The following FGF13 variants were observed in gnomAD, a reference collection of about 807,000 sequenced individuals.
The protein encoded by FGF13 is fibroblast growth factor homologous factor 2.
A neutral mutation model predicts 19.5 loss-of-function variants in FGF13; 2 were observed. That is an observed-to-expected ratio of 0.10 (90% CI 0.04 to 0.32). FGF13 has a LOEUF of 0.32. FGF13 is among the 10% of genes least tolerant of loss of function. The probability of loss-of-function intolerance (pLI) is 1.00; values close to 1 mark genes in which losing one functional copy is unlikely to be tolerated. For synonymous variants in FGF13, 72 were observed against 76.9 expected, an observed-to-expected ratio of 0.94 and a Z score of 0.33; for missense variants, 113 against 192.7, an observed-to-expected ratio of 0.59 and a Z score of 2.45.
At chrX:138,710,588 AGTAT>A (rs1388289648) in intron 1 of FGF13, among the ~76,000 whole-genome samples, 1 of 112,464 alleles carries the variant, frequency 8.9e-6, no homozygotes, top group Non-Finnish European at 1.9e-5. Context: ...CCCAGGGCAG[AGTAT>A]GCCCCCAGGC....
chrX:138,654,544 C>G (rs1343179416), intron 3 of FGF13, among the ~76,000 whole-genome samples: 2 of 111,164 alleles, frequency 1.8e-5, no homozygotes, highest in African/African-American at 6.6e-5. Flanking sequence ...AGTTCAAGAC[C>G]AGCCTGGTTA....
At chrX:139,100,680 AAAG>A (rs1460488797) in intron 1 of FGF13, among the ~76,000 whole-genome samples, 1 of 111,924 alleles carries the variant, frequency 8.9e-6, no homozygotes, top group East Asian at 2.8e-4. Context: ...ACTAGCCAAG[AAAG>A]GTGAAAAGCT....
rs1470745592 is a variant in FGF13, at chrX:138,989,062, G to A, written c.-112-124412C>T. On this transcript the variant is annotated intron_variant, in intron 1 of 2. Transcript: ENST00000421460. ...ATAGATGAGTAAAATATATGCCACA[G>A]TGAGTTGGGAAATACGTTTCTTCTC... Among the ~76,000 whole-genome samples, 7 of 111,557 alleles carry A rather than the reference G, an allele frequency of 6.3e-5. No homozygotes were observed. In the East Asian group the frequency reaches 2.0e-3, roughly 31 times the overall value.
At chrX:139,140,151 T>C (rs748640026) in intron 1 of FGF13, among the ~76,000 whole-genome samples, 4 of 111,497 alleles carry the variant, frequency 3.6e-5, no homozygotes, top group Non-Finnish European at 5.7e-5. Flanking sequence ...ACATCTGAAA[T>C]CCAGACTCAT....
At chrX:139,125,704 T>C (rs1392638592) in intron 1 of FGF13, among the ~76,000 whole-genome samples, 1 of 111,652 alleles carries the variant, frequency 9.0e-6, no homozygotes, top group Non-Finnish European at 1.9e-5. Context: ...CCTGGCCCTG[T>C]GTTAGGGGGA....
intron 3 of FGF13, among the ~76,000 whole-genome samples, chrX:138,775,252 C>T (rs2090579352): frequency 8.9e-6 from 1 of 112,449 alleles, no homozygotes; most frequent in Non-Finnish European, 1.9e-5. Context: ...AGTCACTGTG[C>T]CCCAGCTCTT....
intron 1 of FGF13, among the ~76,000 whole-genome samples, chrX:139,066,821 C>CA (rs1387072666): frequency 6.1e-4 from 60 of 98,907 alleles, no homozygotes; most frequent in Admixed American, 9.9e-4. Context: ...GAGACACAAC[C>CA]AAAAAAAAAA....
In FGF13 at chrX:138,905,202, C is replaced by T. The variant is rs1263344451; in HGVS notation, c.-112-40552G>A. Among the ~76,000 whole-genome samples, 52 of 111,297 alleles carry T rather than the reference C, an allele frequency of 4.7e-4. No individual in the cohort carries two copies. The Admixed American group carries it at 5.0e-3, about 11-fold the overall frequency. On this transcript the variant is annotated intron_variant, in intron 1 of 2. Coordinates refer to the FGF13 transcript ENST00000421460. ...ATGGAGTAGACGGTCCTAGAGCTTG[C>T]CTGTTCTTTGAAAACAGAGCAGTGA...
rs2089085047 is a variant in FGF13 at position 138,628,416 on chromosome X, T to G, written c.*4434A>C. 8.9e-6 allele frequency: 1 copy of G among 112,273 alleles called. No individual in the cohort carries two copies. Among genetic ancestry groups the G allele is most frequent in the Non-Finnish European group, 1.9e-5 (1 of 53,264 alleles). 9.3% of individuals were successfully genotyped at this position (112,273 alleles called of 1,213,427 possible). On this transcript the variant is annotated 3_prime_UTR_variant, in exon 5 of 5. Coordinates refer to ENST00000315930, the MANE Select transcript of FGF13 (RefSeq NM_004114.5). Reference sequence around the variant, plus strand: ...ACAATCACAGCCCTGCTGTAATCAATTTCTAAAGTGAGAAAATGGCTTTGA... The same window carrying G: ...ACAATCACAGCCCTGCTGTAATCAAGTTCTAAAGTGAGAAAATGGCTTTGA...
intron 1 of FGF13, among the ~76,000 whole-genome samples, chrX:138,927,742 C>T (rs978943174): frequency 8.9e-6 from 1 of 111,742 alleles, no homozygotes; most frequent in African/African-American, 3.3e-5. Context: ...AGCGTTCCAC[C>T]TACCAAGCTG....
intron 1 of FGF13, among the ~76,000 whole-genome samples, chrX:139,184,973 T>C (rs997837601): frequency 2.7e-5 from 3 of 111,872 alleles, no homozygotes; most frequent in Non-Finnish European, 5.6e-5. Flanking sequence ...ACTCTCATTT[T>C]AGCCTCACAT....
At chrX:139,133,344 GAA>G (rs35534771) in intron 1 of FGF13, among the ~76,000 whole-genome samples, 13 of 67,644 alleles carry the variant, frequency 1.9e-4, no homozygotes, top group Admixed American at 1.8e-4. Context: ...GGGACCACGT[GAA>G]AAAAAAAAAA....
chrX:138,946,655 C>A (rs1281018599), intron 1 of FGF13, among the ~76,000 whole-genome samples: 1 of 111,918 alleles, frequency 8.9e-6, no homozygotes, highest in African/African-American at 3.2e-5. Context: ...CTAAATGATG[C>A]AACAGCAGGA....
intron 1 of FGF13, among the ~76,000 whole-genome samples, chrX:138,999,420 A>C (rs1443835615): frequency 9.0e-6 from 1 of 111,699 alleles, no homozygotes; most frequent in African/African-American, 3.3e-5. Context: ...AAAGATCAAC[A>C]AAATAAATGG....
chrX:139,160,658 C>T (rs6528597), intron 1 of FGF13, among the ~76,000 whole-genome samples: 2 of 111,071 alleles, frequency 1.8e-5, no homozygotes, highest in Admixed American at 9.5e-5. Context: ...AAATGATAAA[C>T]GGGATATCAC....
intron 1 of FGF13, among the ~76,000 whole-genome samples, chrX:139,094,423 A>G (rs962525412): frequency 3.6e-5 from 4 of 112,074 alleles, no homozygotes; most frequent in Non-Finnish European, 5.6e-5. Context: ...TGGCTGTGGA[A>G]AAGCTGAGGT....
At chrX:139,164,501 G>A (rs2084063269) in intron 1 of FGF13, among the ~76,000 whole-genome samples, 1 of 109,288 alleles carries the variant, frequency 9.2e-6, no homozygotes, top group African/African-American at 3.4e-5. Flanking sequence ...AGAGCAGCTT[G>A]GGCAACATAG....
intron 1 of FGF13, among the ~76,000 whole-genome samples, chrX:139,134,659 C>G (rs1020716448): frequency 1.8e-5 from 2 of 111,864 alleles, no homozygotes; most frequent in African/African-American, 6.5e-5. Flanking sequence ...AGGCATAGTT[C>G]TCAACCCGTG....
intron 3 of FGF13, among the ~76,000 whole-genome samples, chrX:138,694,852 A>G (rs187638348): frequency 6.4e-5 from 7 of 109,879 alleles, no homozygotes; most frequent in African/African-American, 2.0e-4. Context: ...TTATTTCTCA[A>G]TTTATGGACT....
Sources: gnomAD v4.1 joint callset for allele counts (sites outside exome capture counted in the v4.1 genomes callset) on GRCh38, gnomAD v4.1.1 for gene constraint, MANE v1.5 for transcripts, NCBI Gene and HGNC (gene_info 2026-07-23, HGNC 2026-07-21) for gene names.